The following PRKAA2 variants were observed in gnomAD, a reference collection of about 807,000 sequenced individuals.
PRKAA2 encodes 5'-AMP-activated protein kinase catalytic subunit alpha-2.
PRKAA2 carries 40 observed loss-of-function variants against 56.3 expected under a neutral mutation model. That is an observed-to-expected ratio of 0.71 (90% CI 0.55 to 0.92). The LOEUF is 0.92. Ranked by LOEUF, PRKAA2 falls within the 40% of genes least tolerant of loss-of-function variation. The pLI is 0.00. For missense variants in PRKAA2, 542 were observed against 686.9 expected (o/e 0.79, Z 2.36); for synonymous variants, 214 against 234.2 (o/e 0.91, Z 0.79).
At position 56,704,546 on chromosome 1, in the gene PRKAA2, C is replaced by T. The variant is rs1165448647; in HGVS notation, c.1293+71C>T. ...CTATATTATAAGCTGCTCTGAGCTC[C>T]TGAGTTGAGTATTAAGCCCAACTTT... On this transcript the variant is annotated intron_variant, in intron 7 of 8. Coordinates refer to ENST00000371244, the MANE Select transcript of PRKAA2 (RefSeq NM_006252.4). 2.7e-6 allele frequency: 4 copies of T among 1,497,490 alleles called. No individual in the cohort carries two copies. In the African/African-American group the frequency reaches 4.2e-5, roughly 16 times the overall value. 92.8% of individuals were successfully genotyped at this position (1,497,490 alleles called of 1,614,324 possible).
In PRKAA2 at chr1:56,704,409, G is replaced by A. The variant is rs537248815; in HGVS notation, c.1227G>A (p.Gln409=). The A allele has an allele frequency of 1.9e-6, 3 of 1,614,002 alleles. No homozygotes were observed. In the South Asian group the frequency reaches 3.3e-5, roughly 18 times the overall value. Residue 409 remains glutamine, a synonymous_variant, in exon 7 of 9, where the codon CAG becomes CAA. Transcript: ENST00000371244. ...KAKWHLGIRS[Q]SKPYDIMAEV... is the part of the protein sequence containing the mutation. ...AGTGGCATCTTGGAATCCGAAGTCA[G>A]AGCAAACCGTATGACATTATGGCTG... is the stretch of plus-strand genomic sequence containing the variant.
chr1:56,657,089 T>C (rs1311729065), intron 1 of PRKAA2, among the ~76,000 whole-genome samples: 2 of 152,188 alleles, frequency 1.3e-5, no homozygotes, highest in South Asian at 2.1e-4. Context: ...CCTAGAGATA[T>C]CATTGTGCAA....
At chr1:56,647,649 C>T (rs1324493527) in intron 1 of PRKAA2, among the ~76,000 whole-genome samples, 1 of 152,060 alleles carries the variant, frequency 6.6e-6, no homozygotes, top group East Asian at 1.9e-4. Flanking sequence ...GGTTTCCTAT[C>T]CAAGATTAGG....
intron 1 of PRKAA2, among the ~76,000 whole-genome samples, chr1:56,650,577 A>G (rs1403298767): frequency 6.6e-6 from 1 of 152,198 alleles, no homozygotes; most frequent in Non-Finnish European, 1.5e-5. Flanking sequence ...AGTGCTAATT[A>G]TTTATTTAAA....
intron 6 of PRKAA2, among the ~76,000 whole-genome samples, chr1:56,698,834 T>C (rs1260530581): frequency 6.6e-6 from 1 of 152,230 alleles, no homozygotes; most frequent in African/African-American, 2.4e-5. Flanking sequence ...TCACATCTGC[T>C]CTGTGCAAGG....
intron 1 of PRKAA2, among the ~76,000 whole-genome samples, chr1:56,666,008 A>G (rs1014320384): frequency 2.0e-5 from 3 of 152,194 alleles, no homozygotes; most frequent in African/African-American, 7.2e-5. Context: ...GACTTGGAAT[A>G]TATAGATAAT....
At chr1:56,677,914 C>T (rs1270212171) in intron 2 of PRKAA2, among the ~76,000 whole-genome samples, 1 of 152,184 alleles carries the variant, frequency 6.6e-6, no homozygotes, top group African/African-American at 2.4e-5. Context: ...GCCGCAGCCT[C>T]CCAAAGTGCT....
intron 1 of PRKAA2, among the ~76,000 whole-genome samples, chr1:56,673,844 T>C (rs539540700): frequency 1.3e-5 from 2 of 152,272 alleles, no homozygotes; most frequent in East Asian, 3.9e-4. Flanking sequence ...ATAAACATAC[T>C]ATAACAGTTT....
chr1:56,650,330 T>C (rs186707919), intron 1 of PRKAA2, among the ~76,000 whole-genome samples: 2 of 152,352 alleles, frequency 1.3e-5, no homozygotes, highest in East Asian at 3.9e-4. Flanking sequence ...GAGGGACTGT[T>C]TTTGGAAACA....
chr1:56,653,803 A>C (rs1643921848), intron 1 of PRKAA2, among the ~76,000 whole-genome samples: 1 of 152,132 alleles, frequency 6.6e-6, no homozygotes, highest in African/African-American at 2.4e-5. Flanking sequence ...TGTGTTCAGA[A>C]ACCTGTAATT....
At chr1:56,652,317 G>A (rs896547848) in intron 1 of PRKAA2, among the ~76,000 whole-genome samples, 4 of 151,660 alleles carry the variant, frequency 2.6e-5, no homozygotes, top group Admixed American at 1.3e-4. Context: ...GGCCTCACCC[G>A]GCTAATTTTC....
chr1:56,693,009 C>T (rs141316818), intron 4 of PRKAA2, among the ~76,000 whole-genome samples: 36 of 152,118 alleles, frequency 2.4e-4, no homozygotes, highest in Non-Finnish European at 1.8e-4. Context: ...GTAAAAGGTA[C>T]ATAAAATGTG....
chr1:56,677,307 G>A (rs1413946699), intron 2 of PRKAA2, among the ~76,000 whole-genome samples: 3 of 152,154 alleles, frequency 2.0e-5, no homozygotes, highest in Admixed American at 1.3e-4. Context: ...CTTCAACTCT[G>A]TATTATTCAT....
At chr1:56,682,808 A>C (rs545243879) in intron 2 of PRKAA2, among the ~76,000 whole-genome samples, 1 of 152,210 alleles carries the variant, frequency 6.6e-6, no homozygotes, top group East Asian at 1.9e-4. Flanking sequence ...GCCAGTGGCC[A>C]CATGTGGCTG....
Position 56,692,402 on chromosome 1 carries a change from T to TGCTGTGGATTACTGC in PRKAA2, c.389_390insCGCTGTGGATTACTG (p.Ala126_Cys130dup). ...GGCGGCTCTTTCAGCAGATTCTGTCTGCTGTGGATTACTGTCATAGGCATA... is the reference window on the plus strand; with the variant it reads ...GGCGGCTCTTTCAGCAGATTCTGTCTGCTGTGGATTACTGCGCTGTGGATTACTGTCATAGGCATA... On this transcript the variant is annotated inframe_insertion, in exon 4 of 9. Transcript: ENST00000371244. 2 of 1,614,124 alleles carry TGCTGTGGATTACTGC rather than the reference T, an allele frequency of 1.2e-6. No individual in the cohort carries two copies. The highest frequency in any genetic ancestry group is 1.7e-6 in the Non-Finnish European group (2 of 1,179,980).
intron 1 of PRKAA2, among the ~76,000 whole-genome samples, chr1:56,670,985 A>G (rs1017793222): frequency 9.2e-5 from 14 of 152,136 alleles, no homozygotes; most frequent in African/African-American, 3.4e-4. Flanking sequence ...GTGTCTGTCT[A>G]TGATCAACGT....
At chr1:56,662,694 C>A (rs989646099) in intron 1 of PRKAA2, among the ~76,000 whole-genome samples, 1 of 152,160 alleles carries the variant, frequency 6.6e-6, no homozygotes, top group African/African-American at 2.4e-5. Context: ...AGAGTTTAAC[C>A]ATGTCAGTGC....
intron 2 of PRKAA2, among the ~76,000 whole-genome samples, chr1:56,679,880 A>T (rs765135609): frequency 2.6e-5 from 4 of 152,156 alleles, no homozygotes; most frequent in African/African-American, 9.7e-5. Flanking sequence ...GATGACAAGG[A>T]TAAAGACCTT....
At chr1:56,705,738 G>A (rs1278226019) in intron 7 of PRKAA2, among the ~76,000 whole-genome samples, 5 of 152,300 alleles carry the variant, frequency 3.3e-5, no homozygotes, top group Admixed American at 3.3e-4. Flanking sequence ...CCATGAACAT[G>A]TTCAGGCAGA....
Sources: gnomAD v4.1 joint callset for allele counts (sites outside exome capture counted in the v4.1 genomes callset) on GRCh38, gnomAD v4.1.1 for gene constraint, MANE v1.5 for transcripts, NCBI Gene and HGNC (gene_info 2026-07-23, HGNC 2026-07-21) for gene names.